Variants in HECW1 observed in about 807,000 individuals in gnomAD.
HECW1 encodes HECT, C2 and WW domain containing E3 ubiquitin protein ligase 1.
In HECW1, 61 loss-of-function variants were observed where a neutral mutation model predicts 182.3. The ratio of observed to expected loss-of-function variants is 0.33; its 90% CI spans 0.27 to 0.41. HECW1 has a LOEUF of 0.41. Ranked by LOEUF, HECW1 falls within the 10% of genes least tolerant of loss-of-function variation. HECW1 has a pLI of 1.00. For synonymous variants in HECW1, 859 were observed against 832.6 expected, an observed-to-expected ratio of 1.03 and a Z score of -0.55; for missense variants, 1,739 against 2,108.9, an observed-to-expected ratio of 0.82 and a Z score of 3.44.
At chr7:43,228,630 A>G (rs1156936744) in intron 2 of HECW1, among the ~76,000 whole-genome samples, 1 of 152,230 alleles carries the variant, frequency 6.6e-6, no homozygotes, top group Non-Finnish European at 1.5e-5. Context: ...TCACTCAGCT[A>G]TGCTCATTCA....
chr7:43,154,925 A>T (rs1042840894), intron 2 of HECW1, among the ~76,000 whole-genome samples: 1 of 152,222 alleles, frequency 6.6e-6, no homozygotes, highest in Non-Finnish European at 1.5e-5. Context: ...TTAGAACTGG[A>T]ACATTACTGA....
At chr7:43,346,078 C>G (rs139355363) in intron 5 of HECW1, among the ~76,000 whole-genome samples, 1 of 152,280 alleles carries the variant, frequency 6.6e-6, no homozygotes, top group East Asian at 1.9e-4. Flanking sequence ...ACACTGTTTT[C>G]CATAGTGGCT....
intron 6 of HECW1, among the ~76,000 whole-genome samples, chr7:43,363,855 A>G (rs1415444044): frequency 6.6e-6 from 1 of 152,222 alleles, no homozygotes; most frequent in Non-Finnish European, 1.5e-5. Flanking sequence ...CTATATGGTG[A>G]TGGAGCAGAA....
chr7:43,304,244 T>C (rs1807241519), intron 3 of HECW1, among the ~76,000 whole-genome samples: 2 of 152,092 alleles, frequency 1.3e-5, no homozygotes, highest in Non-Finnish European at 2.9e-5. Context: ...CCACTTCTCC[T>C]GTACTGCCTC....
chr7:43,250,301 G>A (rs1799894672), intron 3 of HECW1, among the ~76,000 whole-genome samples: 2 of 152,172 alleles, frequency 1.3e-5, no homozygotes, highest in Non-Finnish European at 2.9e-5. Context: ...TGAGGGGTCT[G>A]TGACACCAAC....
chr7:43,437,989 T>C lies in HECW1; in HGVS notation c.802-14T>C, dbSNP rs1036690171. On this transcript the variant is annotated splice_polypyrimidine_tract_variant and intron_variant, in intron 8 of 29. Transcript: ENST00000395891. ...CCTCTCAGTTAATTGATGTGACATATTCTTTCATTGCAGCAATTCAGTTTT... is the reference window on the plus strand; with the variant it reads ...CCTCTCAGTTAATTGATGTGACATACTCTTTCATTGCAGCAATTCAGTTTT... 6.2e-7 allele frequency: 1 copy of C among 1,613,752 alleles called. No individual in the cohort carries two copies. The highest frequency in any genetic ancestry group is 8.5e-7 in the Non-Finnish European group (1 of 1,179,780).
chr7:43,192,916 A>T (rs1794063824), intron 2 of HECW1, among the ~76,000 whole-genome samples: 1 of 152,222 alleles, frequency 6.6e-6, no homozygotes, highest in African/African-American at 2.4e-5. Context: ...AAGAAAGTAA[A>T]GTCATAAAAG....
chr7:43,535,168 G>T (rs35960515), intron 24 of HECW1, among the ~76,000 whole-genome samples: 1 of 152,120 alleles, frequency 6.6e-6, no homozygotes, highest in African/African-American at 2.4e-5. Flanking sequence ...CAAATGGCCC[G>T]AAGAAGAGTC....
chr7:43,296,623 T>C (rs962296443), intron 3 of HECW1, among the ~76,000 whole-genome samples: 1 of 152,250 alleles, frequency 6.6e-6, no homozygotes, highest in Admixed American at 6.5e-5. Context: ...TCACTTTTGT[T>C]TGTCTTAATT....
chr7:43,318,872 A>G (rs966051891), intron 4 of HECW1, among the ~76,000 whole-genome samples: 5 of 152,232 alleles, frequency 3.3e-5, no homozygotes, highest in East Asian at 1.9e-4. Context: ...TTGGACTCTC[A>G]AAACTTGGTT....
chr7:43,341,877 T>A (rs1031937576), intron 5 of HECW1, among the ~76,000 whole-genome samples: 1 of 151,836 alleles, frequency 6.6e-6, no homozygotes, highest in Non-Finnish European at 1.5e-5. Context: ...TATATTACTT[T>A]AATGATAATT....
chr7:43,262,108 CTACT>C (rs1801238453), intron 3 of HECW1, among the ~76,000 whole-genome samples: 2 of 152,070 alleles, frequency 1.3e-5, no homozygotes, highest in South Asian at 4.2e-4. Context: ...GTAATCCCAG[CTACT>C]TGGGAGGCTG....
At chr7:43,312,127 T>G in intron 4 of HECW1, 40 bp downstream of exon 4, 10 of 1,510,586 alleles carry the variant, frequency 6.6e-6, no homozygotes, top group Non-Finnish European at 9.2e-6. Flanking sequence ...ATAATTCACT[T>G]TTACATATGC....
intron 8 of HECW1, among the ~76,000 whole-genome samples, chr7:43,417,756 A>T (rs369088513): frequency 6.6e-6 from 1 of 152,166 alleles, no homozygotes; most frequent in Non-Finnish European, 1.5e-5. Context: ...CCAATAATAA[A>T]TCTATAATGA....
chr7:43,259,494 C>G (rs1327778997), intron 3 of HECW1, among the ~76,000 whole-genome samples: 1 of 151,924 alleles, frequency 6.6e-6, no homozygotes, highest in African/African-American at 2.4e-5. Context: ...GAAGCAGGCC[C>G]ACAGATGGAT....
intron 3 of HECW1, among the ~76,000 whole-genome samples, chr7:43,300,360 G>A (rs1217437226): frequency 6.6e-6 from 1 of 152,202 alleles, no homozygotes; most frequent in Admixed American, 6.5e-5. Context: ...GCTAGAAAGA[G>A]CACAAGAGTG....
chr7:43,304,048 C>T lies in HECW1; in HGVS notation c.28-7715C>T, dbSNP rs1003468430. Among the ~76,000 whole-genome samples the T allele has an allele frequency of 2.6e-5, 4 of 152,296 alleles. No individual in the cohort carries two copies. In the East Asian group the frequency reaches 7.7e-4, roughly 29 times the overall value. On this transcript the variant is annotated intron_variant, in intron 3 of 29. Coordinates refer to ENST00000395891, the MANE Select transcript of HECW1 (RefSeq NM_015052.5). ...CTTTTTAGCCTAACGAATTGTTTCC[C>T]TTAACAGTCGTGACTCAGAGGAAAT...
chr7:43,513,850 A>G (rs10270508), intron 24 of HECW1, among the ~76,000 whole-genome samples: 45,179 of 151,200 alleles, frequency 0.3, 6,748 homozygotes, highest in South Asian at 0.45. Flanking sequence ...TTCAGGCCAA[A>G]GAGAAAGAGG....
At chr7:43,449,277 C>A (rs529106363) in intron 11 of HECW1, among the ~76,000 whole-genome samples, 1 of 152,216 alleles carries the variant, frequency 6.6e-6, no homozygotes, top group African/African-American at 2.4e-5. Context: ...ATCTTTGGAA[C>A]AGCAGTCTGT....
Sources: gnomAD v4.1 joint callset for allele counts (sites outside exome capture counted in the v4.1 genomes callset) on GRCh38, gnomAD v4.1.1 for gene constraint, MANE v1.5 for transcripts, NCBI Gene and HGNC (gene_info 2026-07-23, HGNC 2026-07-21) for gene names.